Variants in KIF23 observed in about 807,000 individuals in gnomAD.
KIF23 encodes the protein kinesin family member 23.
In KIF23, 30 loss-of-function variants were observed where a neutral mutation model predicts 137.5. That is an observed-to-expected ratio of 0.22 (90% CI 0.16 to 0.30). The LOEUF is 0.30. Among genes scored for constraint, KIF23 ranks in the 10% least tolerant of loss-of-function variants. The pLI, the probability that KIF23 is intolerant of heterozygous loss-of-function variation, is 1.00. For missense variants in KIF23, 920 were observed against 1,194.3 expected (o/e 0.77, Z 3.38); for synonymous variants, 367 against 391.1 (o/e 0.94, Z 0.73).
At position 69,445,017 on chromosome 15, in the gene KIF23, G is replaced by A; in HGVS notation, c.2649G>A (p.Gly883=). The part of the protein sequence containing the change: ...MLTHQELASD[G]EIETKLIKGD... ...CCCACCAGGAACTAGCCTCCGATGG[G>A]GAGATTGAAACTAAACTAATTAAGG... is the stretch of plus-strand genomic sequence containing the variant. The change falls in exon 20 of 24, where the codon GGG becomes GGA. Residue 883 remains glycine, a synonymous_variant. Transcript: ENST00000679126. The A allele has an allele frequency of 6.2e-7, 1 of 1,613,172 alleles. No homozygotes were observed. Among genetic ancestry groups the A allele is most frequent in the Non-Finnish European group, 8.5e-7 (1 of 1,179,512 alleles).
chr15:69,438,259 A>G lies in KIF23; in HGVS notation c.1609A>G (p.Lys537Glu). 2.5e-6 allele frequency: 4 copies of G among 1,602,872 alleles called. No homozygotes were observed. Among genetic ancestry groups the G allele is most frequent in the Non-Finnish European group, 3.4e-6 (4 of 1,177,192 alleles). Residue 537 changes from lysine to glutamate, a missense_variant, in exon 16 of 24, where the codon AAA (lysine) becomes GAA (glutamate). Lys to Glu is a moderately conservative substitution (Grantham distance 56, BLOSUM62 1). This residue lies in a region of KIF23 where 714 missense variants were observed against 866.2 expected (regional missense o/e 0.82). Coordinates refer to ENST00000679126, the MANE Select transcript of KIF23 (RefSeq NM_001367805.3). ...TGTTTTTGTTTCAGCTAATGCTTTT[A>G]AAGCTTTGTTACAAGAATTTGACAA... is the stretch of plus-strand genomic sequence containing the variant. The part of the protein sequence containing the change: ...DEFNKQSNAF[K>E]ALLQEFDNAV...
chr15:69,436,570 T>C lies in KIF23; in HGVS notation c.1445T>C (p.Leu482Ser). 6.2e-7 allele frequency: 1 copy of C among 1,605,356 alleles called. No individual in the cohort carries two copies. ...TTTCTATAATTCAATACAGAACCAT[T>C]GGTTACTGACGTGGTTTTGCAGAGT... ...QPRGPVGNEP[L>S]VTDVVLQSFP... is the part of the protein sequence containing the mutation. The change falls in exon 15 of 24, where the codon TTG (leucine) becomes TCG (serine). Residue 482 changes from leucine to serine, a missense_variant. Physicochemically the swap from Leu to Ser is moderately radical, Grantham distance 145. Transcript: ENST00000679126.
chr15:69,421,386 C>T (rs551441007), intron 3 of KIF23, among the ~76,000 whole-genome samples: 5 of 151,354 alleles, frequency 3.3e-5, no homozygotes, highest in Non-Finnish European at 7.4e-5. Flanking sequence ...AAAACTCTGT[C>T]TCAAAAAAAA....
intron 5 of KIF23, 35 bp from the exon 6 acceptor site, chr15:69,422,291 G>A (rs1351079937): frequency 1.1e-5 from 16 of 1,441,554 alleles, no homozygotes; most frequent in African/African-American, 4.3e-5. Flanking sequence ...TCTAAAAAAC[G>A]TGGTGTGATT....
At chr15:69,420,930 A>G (rs2057037064) in intron 3 of KIF23, among the ~76,000 whole-genome samples, 1 of 152,158 alleles carries the variant, frequency 6.6e-6, no homozygotes, top group South Asian at 2.1e-4. Flanking sequence ...GCTATTTTAA[A>G]TGACACCTTT....
intron 22 of KIF23, 136 bp downstream of exon 22, chr15:69,446,500 A>C (rs1008764690): frequency 4.5e-6 from 3 of 667,624 alleles, no homozygotes; most frequent in South Asian, 1.9e-5. Context: ...ATGTAGGCCT[A>C]TTCCTAGAAT....
Position 69,444,705 on chromosome 15 carries a change from G to T in KIF23, c.2422-85G>T, listed in dbSNP as rs980147003. 8.1e-6 allele frequency: 11 copies of T among 1,356,160 alleles called. No homozygotes were observed. The highest frequency in any genetic ancestry group is 1.1e-5 in the Non-Finnish European group (11 of 984,648). 84.0% of individuals were successfully genotyped at this position (1,356,160 alleles called of 1,614,324 possible). A position where few individuals can be genotyped will look rare whatever the true frequency, so the allele number is the denominator to read the frequency against. ...ATTTAGCTTTGGAAAGGTTTGCTAT[G>T]ATACTGTCATCAACTAATGTAGCCA... On this transcript the variant is annotated intron_variant, in intron 19 of 23. Transcript: ENST00000679126. This position sits in a 1 kb window ranked among gnomAD's most constrained non-coding sequence, Gnocchi z 4.2.
Position 69,425,282 on chromosome 15 carries a change from G to A in KIF23, c.735G>A (p.Lys245=). The A allele has an allele frequency of 6.5e-7, 1 of 1,535,906 alleles. No individual in the cohort carries two copies. Among genetic ancestry groups the A allele is most frequent in the Non-Finnish European group, 8.7e-7 (1 of 1,146,746 alleles). The change falls in exon 8 of 24, where the codon AAG becomes AAA. Residue 245 remains lysine (K), a splice_region_variant and synonymous_variant. Transcript: ENST00000679126. ...EEVPFDPIKP[K]WNSCSTPMRN... ...AACTTCTACCTTATTCCTTTGGTAG[G>A]TGGAACAGTTGCAGCACACCCATGA...
rs1477314955 is a variant in KIF23 at position 69,423,323 on chromosome 15, A to G, written c.728A>G (p.Lys243Arg). The change falls in exon 7 of 24, where the codon AAA (lysine) becomes AGA (arginine). Residue 243 changes from lysine (K) to arginine (R), a missense_variant. This residue lies in a region of KIF23 where 714 missense variants were observed against 866.2 expected (regional missense o/e 0.82). Transcript: ENST00000679126. ...LLEEVPFDPI[K>R]PKWNSCSTPM... ...GAAGAGGTGCCGTTTGATCCCATAA[A>G]ACCCAAGTAAGTAATAAAGAGAGCC... is the stretch of plus-strand genomic sequence containing the variant. 2.6e-6 allele frequency: 4 copies of G among 1,557,656 alleles called. No homozygotes were observed. The highest frequency in any genetic ancestry group is 3.5e-6 in the Non-Finnish European group (4 of 1,156,162).
intron 7 of KIF23, among the ~76,000 whole-genome samples, chr15:69,424,734 C>T (rs1357687401): frequency 2.6e-5 from 4 of 152,182 alleles, no homozygotes; most frequent in Non-Finnish European, 5.9e-5. Flanking sequence ...TCTCGAACTC[C>T]TGGCCTCAAG....
chr15:69,436,044 A>G, intron 13 of KIF23, 94 bp from the exon 14 acceptor site: 1 of 1,500,066 alleles, frequency 6.7e-7, no homozygotes. Flanking sequence ...ACTGTCTCAA[A>G]TAAATAAAAA....
At chr15:69,415,625 T>C (rs1022748487) in intron 1 of KIF23, among the ~76,000 whole-genome samples, 1 of 152,200 alleles carries the variant, frequency 6.6e-6, no homozygotes, top group African/African-American at 2.4e-5. Flanking sequence ...CATGTGCATT[T>C]TTATAGTGTA....
intron 2 of KIF23, among the ~76,000 whole-genome samples, chr15:69,416,683 G>A (rs566302555): frequency 5.9e-5 from 9 of 152,238 alleles, no homozygotes; most frequent in African/African-American, 1.9e-4. Context: ...GGCTGGGTGC[G>A]GTGGCTCACA....
At chr15:69,437,258 G>A (rs998673130) in intron 15 of KIF23, among the ~76,000 whole-genome samples, 2 of 152,098 alleles carry the variant, frequency 1.3e-5, no homozygotes, top group African/African-American at 2.4e-5. Context: ...AAAAGTGAGC[G>A]TGTGTTCTTT....
intron 11 of KIF23, among the ~76,000 whole-genome samples, chr15:69,429,848 CCATCTCTA>C (rs1428434961): frequency 7.9e-5 from 12 of 151,912 alleles, no homozygotes. Context: ...TGATGAAACC[CCATCTCTA>C]CAAAAAATAC....
At chr15:69,426,719 T>TG (rs1380568810) in intron 10 of KIF23, 2 of 364,142 alleles carry the variant, frequency 5.5e-6, no homozygotes, top group African/African-American at 4.2e-5. Context: ...GACCCTGTCT[T>TG]GAAAAAAAAA....
intron 13 of KIF23, 137 bp downstream of exon 13, chr15:69,435,908 G>A (rs1460943799): frequency 1.6e-6 from 2 of 1,285,278 alleles, no homozygotes; most frequent in East Asian, 4.7e-5. Context: ...TAGGCTTGGT[G>A]TGGTGGCTTA....
At chr15:69,440,570 C>A in intron 18 of KIF23, 83 bp downstream of exon 18, 1 of 1,309,284 alleles carries the variant, frequency 7.6e-7, no homozygotes, top group Non-Finnish European at 1.0e-6. Context: ...AGGATTTTTA[C>A]ATTTTATAAT....
At chr15:69,446,411 T>C (rs1321697227) in intron 22 of KIF23, 47 bp downstream of exon 22, 5 of 1,500,804 alleles carry the variant, frequency 3.3e-6, no homozygotes, top group Middle Eastern at 1.7e-4. Flanking sequence ...ATTAGGTTTG[T>C]CATGTTTTAA....
Sources: gnomAD v4.1 joint callset for allele counts (sites outside exome capture counted in the v4.1 genomes callset) on GRCh38, gnomAD v4.1.1 for gene constraint, gnomAD v4.1.1 regional missense constraint, Gnocchi (gnomAD v3.1) non-coding constraint, MANE v1.5 for transcripts, NCBI Gene and HGNC (gene_info 2026-07-23, HGNC 2026-07-21) for gene names.